CLDN16: variants seen among roughly 807,000 people sequenced by gnomAD.
CLDN16 encodes the protein claudin-16.
A neutral mutation model predicts 24.6 loss-of-function variants in CLDN16; 13 were observed. That is an observed-to-expected ratio of 0.53 (90% CI 0.34 to 0.84). The LOEUF (loss-of-function observed/expected upper bound fraction) is 0.84. CLDN16 is among the 40% of genes least tolerant of loss of function. The pLI, the probability that CLDN16 is intolerant of heterozygous loss-of-function variation, is 0.01. For missense variants in CLDN16, 298 were observed against 292.7 expected (o/e 1.02, Z -0.13); for synonymous variants, 116 against 106.7 (o/e 1.09, Z -0.54).
intron 1 of CLDN16, among the ~76,000 whole-genome samples, chr3:190,335,275 C>T (rs562454675): frequency 6.6e-6 from 1 of 152,090 alleles, no homozygotes; most frequent in Admixed American, 6.5e-5. Context: ...AACTCTTGAC[C>T]TCAGGTGATC....
intron 1 of CLDN16, among the ~76,000 whole-genome samples, chr3:190,341,610 C>T (rs1002912182): frequency 2.0e-5 from 3 of 152,168 alleles, no homozygotes; most frequent in Non-Finnish European, 4.4e-5. Context: ...CTCTCACATG[C>T]CCTGGAGATA....
chr3:190,372,325 T>C (rs528910290), intron 2 of CLDN16, among the ~76,000 whole-genome samples: 1 of 151,940 alleles, frequency 6.6e-6, no homozygotes, highest in African/African-American at 2.4e-5. Context: ...GAACTCCAGT[T>C]TCCTCACAAA....
At chr3:190,295,372 A>G in the CLDN16 span, among the ~76,000 whole-genome samples, 10 of 152,202 alleles carry the variant, frequency 6.6e-5, no homozygotes, top group African/African-American at 1.9e-4. Context: ...TTTCCTTAAC[A>G]AACCTATGGC....
At chr3:190,318,864 G>A (rs1577392009), upstream of CLDN16, among the ~76,000 whole-genome samples, 1 of 152,220 alleles carries the variant, frequency 6.6e-6, no homozygotes, top group East Asian at 1.9e-4. Context: ...GAGAGTGCTG[G>A]GGAAGCTCAC....
chr3:190,314,772 T>G, the CLDN16 span, among the ~76,000 whole-genome samples: 1 of 152,154 alleles, frequency 6.6e-6, no homozygotes, highest in South Asian at 2.1e-4. Context: ...GAAGCCAAGG[T>G]TAAGTTTTAC....
the CLDN16 span, among the ~76,000 whole-genome samples, chr3:190,308,996 T>C: frequency 0.15 from 22,593 of 152,058 alleles, 1,906 homozygotes; most frequent in African/African-American, 0.22. Context: ...AAGCAGACAC[T>C]TAGGGTGGGG....
chr3:190,375,671 C>T (rs1718230673), intron 3 of CLDN16, among the ~76,000 whole-genome samples: 1 of 151,918 alleles, frequency 6.6e-6, no homozygotes, highest in Non-Finnish European at 1.5e-5. Flanking sequence ...TAAACATTTA[C>T]TGTTGATCCC....
intron 1 of CLDN16, among the ~76,000 whole-genome samples, chr3:190,325,009 C>G (rs1281178491): frequency 6.6e-6 from 1 of 152,150 alleles, no homozygotes; most frequent in African/African-American, 2.4e-5. Context: ...CAAATTACTT[C>G]TTTTCTTCCT....
intron 1 of CLDN16, among the ~76,000 whole-genome samples, chr3:190,398,102 T>C (rs1318563585): frequency 6.6e-6 from 1 of 152,220 alleles, no homozygotes; most frequent in Non-Finnish European, 1.5e-5. Context: ...GTGAACTGGA[T>C]GCAGCGTGTT....
chr3:190,310,993 G>A, the CLDN16 span, among the ~76,000 whole-genome samples: 1 of 152,074 alleles, frequency 6.6e-6, no homozygotes, highest in African/African-American at 2.4e-5. Context: ...TAACTTTTTT[G>A]TAGTAATTCT....
intron 1 of CLDN16, among the ~76,000 whole-genome samples, chr3:190,349,565 C>G (rs748669838): frequency 1.3e-5 from 2 of 152,184 alleles, no homozygotes; most frequent in Non-Finnish European, 2.9e-5. Flanking sequence ...GAGTCCACAT[C>G]ATTTTCTGTG....
chr3:190,406,353 T>C (rs567411092), intron 3 of CLDN16, among the ~76,000 whole-genome samples: 1 of 152,368 alleles, frequency 6.6e-6, no homozygotes, highest in African/African-American at 2.4e-5. Flanking sequence ...CTTTTTAATA[T>C]ACAATGTAAT....
chr3:190,381,418 A>C (rs1338241922), intron 3 of CLDN16, among the ~76,000 whole-genome samples: 4 of 152,084 alleles, frequency 2.6e-5, no homozygotes, highest in Non-Finnish European at 5.9e-5. Flanking sequence ...TTCATCTGGA[A>C]CTGAAGATCT....
intron 1 of CLDN16, among the ~76,000 whole-genome samples, chr3:190,344,529 A>G (rs1473474231): frequency 6.6e-6 from 1 of 151,866 alleles, no homozygotes; most frequent in Non-Finnish European, 1.5e-5. Context: ...TGTATTACAT[A>G]CTATGTATTC....
chr3:190,402,483 G>A (rs774413495), intron 2 of CLDN16, 44 bp downstream of exon 2: 1 of 1,439,324 alleles, frequency 6.9e-7, no homozygotes, highest in Admixed American at 1.7e-5. Flanking sequence ...AAGGGAAAGG[G>A]ACAGAAAACT....
At chr3:190,409,270 ATGTATATGTATGTATATATG>A (rs1719204704) in intron 4 of CLDN16, among the ~76,000 whole-genome samples, 4 of 151,468 alleles carry the variant, frequency 2.6e-5, no homozygotes, top group East Asian at 1.9e-4. Context: ...ATATGCACAC[ATGTATATGTATGTATATATG>A]CACACATGTA....
At chr3:190,316,143 T>C in the CLDN16 span, among the ~76,000 whole-genome samples, 1,238 of 152,296 alleles carry the variant, frequency 8.1e-3, 16 homozygotes, top group African/African-American at 0.028. Flanking sequence ...TAATATATTA[T>C]TTGCATAATA....
At chr3:190,291,612 A>G in the CLDN16 span, among the ~76,000 whole-genome samples, 1 of 152,154 alleles carries the variant, frequency 6.6e-6, no homozygotes, top group African/African-American at 2.4e-5. Context: ...GCAAAACCAT[A>G]TTATTTTGCC....
upstream of CLDN16, among the ~76,000 whole-genome samples, chr3:190,318,642 C>A (rs1716833370): frequency 6.6e-6 from 1 of 152,206 alleles, no homozygotes; most frequent in Admixed American, 6.5e-5. Context: ...TTTCTGATCT[C>A]AAGCCTGGAT....
Sources: gnomAD v4.1 joint callset for allele counts (sites outside exome capture counted in the v4.1 genomes callset) on GRCh38, gnomAD v4.1.1 for gene constraint, MANE v1.5 for transcripts, NCBI Gene and HGNC (gene_info 2026-07-23, HGNC 2026-07-21) for gene names.